HNF1B: variants seen among roughly 807,000 people sequenced by gnomAD.
HNF1B encodes hepatocyte nuclear factor 1-beta.
In HNF1B, 8 loss-of-function variants were observed where a neutral mutation model predicts 61.7. The ratio of observed to expected loss-of-function variants is 0.13; its 90% CI spans 0.08 to 0.23. The LOEUF is 0.23. Ranked by LOEUF, HNF1B falls within the 10% of genes least tolerant of loss-of-function variation. HNF1B has a pLI of 1.00. For synonymous variants in HNF1B, 314 were observed against 287.7 expected, an observed-to-expected ratio of 1.09 and a Z score of -0.93; for missense variants, 562 against 714.5, an observed-to-expected ratio of 0.79 and a Z score of 2.43.
chr17:37,688,150 A>G (rs1303857656), intron 8 of HNF1B, among the ~76,000 whole-genome samples: 1 of 152,220 alleles, frequency 6.6e-6, no homozygotes. Context: ...AGGAGACCCC[A>G]GAATGGCTGG....
At chr17:37,706,680 A>AT (rs2032761302) in intron 5 of HNF1B, among the ~76,000 whole-genome samples, 2 of 151,366 alleles carry the variant, frequency 1.3e-5, no homozygotes, top group African/African-American at 4.8e-5. Context: ...AGTCATTAAA[A>AT]AAAAAAAAAA....
chr17:37,738,623 C>T (rs1274240653), intron 2 of HNF1B, among the ~76,000 whole-genome samples: 2 of 152,326 alleles, frequency 1.3e-5, no homozygotes, highest in Non-Finnish European at 2.9e-5. Flanking sequence ...AAAATACAGA[C>T]AGTATGTCAT....
chr17:37,701,155 C>G lies in HNF1B; in HGVS notation c.1362G>C (p.Gln454His). 1.3e-6 allele frequency: 2 copies of G among 1,551,364 alleles called. No homozygotes were observed. The highest frequency in any genetic ancestry group is 8.7e-7 in the Non-Finnish European group (1 of 1,147,254). ...CCACACTGTTGATGACAGGGACACTCTGTGCTTGGGAGGTGTTGAGGCCTG... is the reference window on the plus strand; with the variant it reads ...CCACACTGTTGATGACAGGGACACTGTGTGCTTGGGAGGTGTTGAGGCCTG... ...IAQSLNTSQA[Q>H]SVPVINSVAG... The change falls in exon 7 of 9, where the codon CAG becomes CAC. Residue 454 changes from glutamine (Q) to histidine (H), a missense_variant. Around this residue, in one of 6 missense-constraint regions of HNF1B, gnomAD observed 211 missense variants for 200.7 expected, o/e 1.05. Coordinates refer to ENST00000617811, the MANE Select transcript of HNF1B (RefSeq NM_000458.4).
chr17:37,729,745 C>G (rs1219046306), intron 4 of HNF1B: 2 of 152,302 alleles, frequency 1.3e-5, no homozygotes, highest in Non-Finnish European at 2.9e-5. Context: ...ACCAGCAGGC[C>G]TGAGCTCTAG....
chr17:37,694,446 C>T (rs1433566950), intron 8 of HNF1B, among the ~76,000 whole-genome samples: 3 of 68,972 alleles, frequency 4.3e-5, no homozygotes, highest in African/African-American at 9.2e-5. Flanking sequence ...CCGCCCCCCC[C>T]CCCCCCCGCA....
intron 4 of HNF1B, among the ~76,000 whole-genome samples, chr17:37,713,643 T>A (rs924012018): frequency 6.6e-6 from 1 of 152,246 alleles, no homozygotes; most frequent in African/African-American, 2.4e-5. Flanking sequence ...CCTGTTTTAA[T>A]CTCAGCTCTG....
intron 6 of HNF1B, among the ~76,000 whole-genome samples, chr17:37,701,537 T>C (rs79503894): frequency 0.027 from 4,068 of 152,330 alleles, 190 homozygotes; most frequent in African/African-American, 0.088. Context: ...AGGCTTGCCC[T>C]GGTGCCCGCA....
intron 4 of HNF1B, among the ~76,000 whole-genome samples, chr17:37,719,113 A>ATAT (rs146723727): frequency 7.3e-5 from 11 of 149,780 alleles, no homozygotes; most frequent in Non-Finnish European, 1.5e-4. Context: ...TAATTTATTA[A>ATAT]TATTATTATT....
Position 37,723,106 on chromosome 17 carries a change from G to A in HNF1B, c.1045+8489C>T, listed in dbSNP as rs556446724. On this transcript the variant is annotated intron_variant, in intron 4 of 8. Coordinates refer to ENST00000617811, the MANE Select transcript of HNF1B (RefSeq NM_000458.4). ...TGTAATCCCAGCACTTTGGGAGGCC[G>A]AGGCGGGCAGATCACGAGGTCAGGA... Among the ~76,000 whole-genome samples the A allele has an allele frequency of 3.4e-4, 52 of 152,018 alleles. 1 individual carries two copies. The highest frequency in any genetic ancestry group is 1.1e-3 in the African/African-American group (47 of 41,466).
intron 2 of HNF1B, among the ~76,000 whole-genome samples, chr17:37,736,488 T>C (rs757211): frequency 0.64 from 97,862 of 152,074 alleles, 33,738 homozygotes; most frequent in African/African-American, 0.89. Flanking sequence ...AAGTGACTTG[T>C]CCAAAGTCAT....
At chr17:37,702,049 C>T (rs1248444266) in intron 6 of HNF1B, among the ~76,000 whole-genome samples, 1 of 152,142 alleles carries the variant, frequency 6.6e-6, no homozygotes, top group African/African-American at 2.4e-5. Flanking sequence ...CGGAGGAAGA[C>T]AGCTAAGGTA....
Position 37,744,612 on chromosome 17 carries a change from G to T in HNF1B, c.273C>A (p.Ile91=). ...TGTTGAGCGCCTGCAGCTCCTTGAGGATGGGAGGTGTGTCATAGTCGTCGC... is the reference window on the plus strand; with the variant it reads ...TGTTGAGCGCCTGCAGCTCCTTGAGTATGGGAGGTGTGTCATAGTCGTCGC... ...EDGDDYDTPP[I]LKELQALNTE... The change falls in exon 1 of 9, where the codon ATC becomes ATA. Residue 91 remains isoleucine, a synonymous_variant. Coordinates refer to ENST00000617811, the MANE Select transcript of HNF1B (RefSeq NM_000458.4). The T allele has an allele frequency of 1.2e-6, 2 of 1,610,380 alleles. No homozygotes were observed. The highest frequency in any genetic ancestry group is 1.7e-6 in the Non-Finnish European group (2 of 1,179,982).
chr17:37,721,050 A>G lies in HNF1B; in HGVS notation c.1046-10387T>C, dbSNP rs1598828052. The G allele has an allele frequency of 7.3e-6, 5 of 681,276 alleles. No individual in the cohort carries two copies. The South Asian group carries it at 3.3e-4, about 45-fold the overall frequency. 42.2% of individuals were successfully genotyped at this position (681,276 alleles called of 1,614,324 possible). A position where few individuals can be genotyped will look rare whatever the true frequency, so the allele number is the denominator to read the frequency against. ...ACTCTTGCTGAACAAGAACTCACAT[A>G]GACTTCACTGCCAACCCAGTCCAAT... is the stretch of plus-strand genomic sequence containing the variant. On this transcript the variant is annotated intron_variant, in intron 4 of 8. Coordinates refer to ENST00000617811, the MANE Select transcript of HNF1B (RefSeq NM_000458.4).
Position 37,701,093 on chromosome 17 carries a change from G to C in HNF1B, c.1424C>G (p.Ser475Cys). The change falls in exon 7 of 9, where the codon TCC becomes TGC. Residue 475 changes from serine (S) to cysteine (C), a missense_variant. Ser to Cys is a moderately radical substitution (Grantham distance 112). Around this residue, in one of 6 missense-constraint regions of HNF1B, gnomAD observed 211 missense variants for 200.7 expected, o/e 1.05. Coordinates refer to ENST00000617811, the MANE Select transcript of HNF1B (RefSeq NM_000458.4). ...SLAALQPVQF[S>C]QQLHSPHQQP... ...CTGGTGAGGGCTGTGCAGCTGCTGGGAGAACTGGACGGGCTGCAGGGCTGC... is the reference window on the plus strand; with the variant it reads ...CTGGTGAGGGCTGTGCAGCTGCTGGCAGAACTGGACGGGCTGCAGGGCTGC... The C allele has an allele frequency of 6.4e-7, 1 of 1,553,704 alleles. No individual in the cohort carries two copies. Among genetic ancestry groups the C allele is most frequent in the Non-Finnish European group, 8.7e-7 (1 of 1,148,360 alleles).
At chr17:37,726,159 T>TG (rs1234725499) in intron 4 of HNF1B, among the ~76,000 whole-genome samples, 3 of 151,980 alleles carry the variant, frequency 2.0e-5, no homozygotes, top group East Asian at 1.9e-4. Flanking sequence ...TGTGTGTGTC[T>TG]TTCTCTCTCT....
chr17:37,712,960 C>T (rs1038318717), intron 4 of HNF1B, among the ~76,000 whole-genome samples: 1 of 152,210 alleles, frequency 6.6e-6, no homozygotes, highest in Non-Finnish European at 1.5e-5. Context: ...ATGGAATTAT[C>T]TTTCCGTAGA....
rs202109472 is a variant in HNF1B, at chr17:37,710,647, C to T, written c.1062G>A (p.Gln354=). ...AGGAAGTGATCTCATTGTTTCCCTG[C>T]TGGCTGTAGCGCACTCCTGCAAAAC... ...PNKLSGVRYS[Q]QGNNEITSSS... Residue 354 remains glutamine, a synonymous_variant, in exon 5 of 9, where the codon CAG becomes CAA. Transcript: ENST00000617811. The T allele has an allele frequency of 1.2e-6, 2 of 1,613,976 alleles. No homozygotes were observed. The highest frequency in any genetic ancestry group is 3.3e-5 in the Admixed American group (2 of 60,008).
intron 4 of HNF1B, among the ~76,000 whole-genome samples, chr17:37,719,819 C>G (rs1314862988): frequency 6.6e-6 from 1 of 152,190 alleles, no homozygotes; most frequent in African/African-American, 2.4e-5. Context: ...GGTTTTCCAC[C>G]ACAGCCTATT....
At position 37,710,599 on chromosome 17, in the gene HNF1B, G is replaced by A. The variant is rs2147473871; in HGVS notation, c.1110C>T (p.Gly370=). Residue 370 remains glycine, a synonymous_variant, in exon 5 of 9, where the codon GGC becomes GGT. Transcript: ENST00000617811. ...ITSSSTISHH[G]NSAMVTSQSV... is the part of the protein sequence containing the mutation. ...ACTGGCTGGTCACCATGGCGCTGTT[G>A]CCATGGTGACTGATTGTTGAGGAGG... is the stretch of plus-strand genomic sequence containing the variant. 1 of 1,613,952 alleles carries A rather than the reference G, an allele frequency of 6.2e-7. No homozygotes were observed. Among genetic ancestry groups the A allele is most frequent in the Non-Finnish European group, 8.5e-7 (1 of 1,179,960 alleles).
Sources: gnomAD v4.1 joint callset for allele counts (sites outside exome capture counted in the v4.1 genomes callset) on GRCh38, gnomAD v4.1.1 for gene constraint, gnomAD v4.1.1 regional missense constraint, MANE v1.5 for transcripts, NCBI Gene and HGNC (gene_info 2026-07-23, HGNC 2026-07-21) for gene names.